Variants in UTP4 observed in about 807,000 individuals in gnomAD.
UTP4 encodes the protein U3 small nucleolar RNA-associated protein 4 homolog.
UTP4 carries 45 observed loss-of-function variants against 82.4 expected under a neutral mutation model. The observed-to-expected ratio is 0.55, with a 90% CI of 0.43 to 0.70. The LOEUF (loss-of-function observed/expected upper bound fraction) is 0.70. UTP4 is among the 30% of genes least tolerant of loss of function. The probability of loss-of-function intolerance (pLI) is 0.00; values close to 1 mark genes in which losing one functional copy is unlikely to be tolerated. For synonymous variants in UTP4, 348 were observed against 300.3 expected (o/e 1.16, Z -1.64); for missense variants, 819 against 858.3 (o/e 0.95, Z 0.57).
chr16:69,143,211 A>T lies in UTP4; in HGVS notation c.560A>T (p.Gln187Leu). The change falls in exon 6 of 17, where the codon CAG becomes CTG. Residue 187 changes from glutamine to leucine, a missense_variant. Physicochemically the swap from Gln to Leu is moderately radical, Grantham distance 113. Transcript: ENST00000314423. ...SAVHKMIVDR[Q>L]YMGVSKRKCI... ...GTTCATAAGATGATTGTGGACAGGC[A>T]GTATATGGGCGTGTCTAAGCGGAAG... 1 of 1,614,234 alleles carries T rather than the reference A, an allele frequency of 6.2e-7. No homozygotes were observed.
rs762461572 is a variant in UTP4 at position 69,139,888 on chromosome 16, A to G, written c.500A>G (p.Tyr167Cys). Residue 167 changes from tyrosine to cysteine, a missense_variant, in exon 5 of 17, where the codon TAC (tyrosine) becomes TGC (cysteine). Tyr to Cys is a radical substitution (Grantham distance 194, BLOSUM62 -2). Coordinates refer to ENST00000314423, the MANE Select transcript of UTP4 (RefSeq NM_032830.3). ...GTHIAAGSID[Y>C]ISVFDVKSGS... ...CACATTGCAGCTGGTTCCATAGACT[A>G]CATTAGTGTGTTTGATGTCAAATCA... is the stretch of plus-strand genomic sequence containing the variant. The G allele has an allele frequency of 1.2e-6, 2 of 1,613,474 alleles. No homozygotes were observed. The highest frequency in any genetic ancestry group is 1.7e-6 in the Non-Finnish European group (2 of 1,179,438).
In UTP4 at chr16:69,133,689, C is replaced by A. The variant is rs533459193; in HGVS notation, c.159+71C>A. 12 of 1,500,622 alleles carry A rather than the reference C, an allele frequency of 8.0e-6. No individual in the cohort carries two copies. The East Asian group carries it at 1.1e-4, about 14-fold the overall frequency. 93.0% of individuals were successfully genotyped at this position (1,500,622 alleles called of 1,614,324 possible). ...TCTGAAGTTCAAGAAGCTTGTATGT[C>A]TTTTATAATCAAACTGATTGAGTGA... On this transcript the variant is annotated intron_variant, in intron 2 of 16. Transcript: ENST00000314423.
At chr16:69,163,637 T>C (rs1377201483) in intron 14 of UTP4, among the ~76,000 whole-genome samples, 5 of 151,898 alleles carry the variant, frequency 3.3e-5, no homozygotes, top group Non-Finnish European at 7.4e-5. Context: ...CTAATCTACT[T>C]TTTTCTATAC....
At chr16:69,151,646 C>G (rs75272634) in intron 8 of UTP4, among the ~76,000 whole-genome samples, 2,782 of 149,560 alleles carry the variant, frequency 0.019, 26 homozygotes, top group Non-Finnish European at 0.026. Flanking sequence ...TTTTAACCAT[C>G]TGGGACATGG....
intron 16 of UTP4, among the ~76,000 whole-genome samples, chr16:69,168,068 AG>A (rs1335315498): frequency 1.3e-5 from 2 of 152,134 alleles, no homozygotes; most frequent in African/African-American, 2.4e-5. Context: ...TTGAGATATA[AG>A]AAGCATAGAT....
chr16:69,160,312 G>C (rs376867560), intron 12 of UTP4, 44 bp from the exon 13 acceptor site: 4 of 1,490,190 alleles, frequency 2.7e-6, no homozygotes, highest in Admixed American at 3.3e-5. Flanking sequence ...GTCTGGCTGT[G>C]GACACTGTGT....
chr16:69,149,500 G>A (rs1329879370), intron 6 of UTP4, among the ~76,000 whole-genome samples: 2 of 152,010 alleles, frequency 1.3e-5, no homozygotes, highest in South Asian at 4.2e-4. Flanking sequence ...GCAGTGAGCC[G>A]AGATCATGCC....
intron 2 of UTP4, among the ~76,000 whole-genome samples, chr16:69,134,077 A>G (rs931021419): frequency 3.9e-5 from 6 of 152,224 alleles, no homozygotes; most frequent in Non-Finnish European, 8.8e-5. Flanking sequence ...ATGTAGACCT[A>G]CATGTCTACA....
At chr16:69,136,530 G>T in intron 2 of UTP4, 166 bp from the exon 3 acceptor site, 1 of 723,656 alleles carries the variant, frequency 1.4e-6, no homozygotes. Context: ...AAAGTAATTA[G>T]AATTTGAGCT....
intron 15 of UTP4, chr16:69,166,744 C>T: frequency 3.1e-6 from 1 of 317,732 alleles, no homozygotes; most frequent in Non-Finnish European, 5.9e-6. Flanking sequence ...ACTGATGAGA[C>T]AGGCCAGAAG....
In UTP4 at chr16:69,160,424, A is replaced by C; in HGVS notation, c.1513A>C (p.Ser505Arg). The C allele has an allele frequency of 6.2e-7, 1 of 1,614,174 alleles. No homozygotes were observed. Reference protein sequence around the residue: ...DGNWLAASGTSAGVHVYNVKQ... With the variant: ...DGNWLAASGTRAGVHVYNVKQ... ...GAATTGGCTAGCTGCATCAGGTACC[A>C]GTGCTGGAGTCCATGTCTACAACGT... Residue 505 changes from serine (S) to arginine (R), a missense_variant, in exon 13 of 17, where the codon AGT becomes CGT. Physicochemically the swap from Ser to Arg is moderately radical, Grantham distance 110 (BLOSUM62 -1). Coordinates refer to ENST00000314423, the MANE Select transcript of UTP4 (RefSeq NM_032830.3).
chr16:69,160,485 G>A, intron 13 of UTP4, 23 bp downstream of exon 13: 1 of 1,571,626 alleles, frequency 6.4e-7, no homozygotes, highest in Non-Finnish European at 8.8e-7. Flanking sequence ...TTTCATGGCA[G>A]CAGTTTGAAT....
chr16:69,156,924 G>A (rs983942636), intron 11 of UTP4, among the ~76,000 whole-genome samples, 160 bp from the exon 12 acceptor site: 2 of 152,244 alleles, frequency 1.3e-5, no homozygotes, highest in African/African-American at 4.8e-5. Context: ...ATGAAAGGGG[G>A]ATGTATAGAT....
chr16:69,137,737 T>C, intron 3 of UTP4, 64 bp from the exon 4 acceptor site: 1 of 853,006 alleles, frequency 1.2e-6, no homozygotes, highest in Non-Finnish European at 2.1e-6. Flanking sequence ...GGTGTGTGTG[T>C]GTGTTTAGTC....
chr16:69,140,840 A>T (rs533695241), intron 5 of UTP4, among the ~76,000 whole-genome samples: 42 of 152,212 alleles, frequency 2.8e-4, no homozygotes, highest in African/African-American at 9.4e-4. Context: ...TCAGCTTTAG[A>T]CCATTTTTTA....
intron 8 of UTP4, 128 bp from the exon 9 acceptor site, chr16:69,153,456 T>A (rs989007236): frequency 1.9e-5 from 14 of 727,102 alleles, no homozygotes; most frequent in Non-Finnish European, 3.0e-5. Context: ...TGGGAGTACT[T>A]AGGAAATATT....
chr16:69,133,241 A>AT (rs1962695321), intron 1 of UTP4, among the ~76,000 whole-genome samples: 2 of 151,082 alleles, frequency 1.3e-5, no homozygotes, highest in South Asian at 4.2e-4. Context: ...ACCCTTTTTG[A>AT]TTTTTTGCTG....
At chr16:69,147,511 A>G (rs536757314) in intron 6 of UTP4, among the ~76,000 whole-genome samples, 1 of 152,230 alleles carries the variant, frequency 6.6e-6, no homozygotes, top group Admixed American at 6.5e-5. Context: ...TCTCCAAACA[A>G]ACAAACAAAC....
chr16:69,143,343 G>A lies in UTP4; in HGVS notation c.692G>A (p.Ser231Asn), dbSNP rs780692292. ...WDSATGTLVK[S>N]HLIANADVQS... ...TCAGCCACTGGGACGCTTGTGAAGAGCCATCTCATCGCTAATGCTGACGTG... is the reference window on the plus strand; with the variant it reads ...TCAGCCACTGGGACGCTTGTGAAGAACCATCTCATCGCTAATGCTGACGTG... The change falls in exon 6 of 17, where the codon AGC becomes AAC. Residue 231 changes from serine (S) to asparagine (N), a missense_variant. Coordinates refer to ENST00000314423, the MANE Select transcript of UTP4 (RefSeq NM_032830.3). The A allele has an allele frequency of 1.2e-6, 2 of 1,614,198 alleles. No individual in the cohort carries two copies. Among genetic ancestry groups the A allele is most frequent in the Non-Finnish European group, 1.7e-6 (2 of 1,180,044 alleles).
Sources: gnomAD v4.1 joint callset for allele counts (sites outside exome capture counted in the v4.1 genomes callset) on GRCh38, gnomAD v4.1.1 for gene constraint, MANE v1.5 for transcripts, NCBI Gene and HGNC (gene_info 2026-07-23, HGNC 2026-07-21) for gene names.